Variants in DMXL1 observed in about 807,000 individuals in gnomAD.
DMXL1 encodes Dmx like 1.
Under a neutral mutation model 319.2 loss-of-function variants are expected in DMXL1, and 99 were observed. The observed-to-expected ratio is 0.31, with a 90% confidence interval of 0.26 to 0.37. The LOEUF (loss-of-function observed/expected upper bound fraction) is 0.37. Among genes scored for constraint, DMXL1 ranks in the 10% least tolerant of loss-of-function variants. The pLI, the probability that DMXL1 is intolerant of heterozygous loss-of-function variation, is 1.00. For missense variants in DMXL1, 3,745 were observed against 3,595.6 expected (o/e 1.04, Z -1.06); for synonymous variants, 1,385 against 1,235.2 (o/e 1.12, Z -2.54).
At chr5:119,152,138 A>G (rs1462974796) in intron 19 of DMXL1, 102 bp downstream of exon 19, 3 of 675,016 alleles carry the variant, frequency 4.4e-6, no homozygotes, top group Non-Finnish European at 7.5e-6. Context: ...TAATGATGAC[A>G]TATTTAACAT....
intron 39 of DMXL1, among the ~76,000 whole-genome samples, chr5:119,235,280 A>C (rs986594627): frequency 2.0e-5 from 3 of 152,204 alleles, no homozygotes; most frequent in Admixed American, 2.0e-4. Flanking sequence ...AATTCCTCAG[A>C]GATTCAAGAA....
intron 5 of DMXL1, among the ~76,000 whole-genome samples, chr5:119,111,712 A>C (rs1297538102): frequency 6.6e-6 from 1 of 152,250 alleles, no homozygotes; most frequent in Non-Finnish European, 1.5e-5. Context: ...AGTTTTGGGC[A>C]AATGCGTTTT....
chr5:119,122,268 C>A (rs1484256165), intron 9 of DMXL1, among the ~76,000 whole-genome samples: 5 of 143,940 alleles, frequency 3.5e-5, no homozygotes, highest in Non-Finnish European at 6.2e-5. Context: ...GGGGGGCCGA[C>A]CACCCCACCT....
chr5:119,229,399 C>T (rs935172550), intron 38 of DMXL1, among the ~76,000 whole-genome samples: 1 of 152,062 alleles, frequency 6.6e-6, no homozygotes, highest in Admixed American at 6.6e-5. Context: ...AACTTTGCAC[C>T]AATGTACTTC....
chr5:119,073,073 A>C (rs1443460445), intron 1 of DMXL1, among the ~76,000 whole-genome samples: 1 of 152,162 alleles, frequency 6.6e-6, no homozygotes, highest in Non-Finnish European at 1.5e-5. Flanking sequence ...TGCTTTTTAA[A>C]AACTTTTGAA....
At chr5:119,199,357 A>G (rs1377392538) in intron 32 of DMXL1, among the ~76,000 whole-genome samples, 1 of 152,194 alleles carries the variant, frequency 6.6e-6, no homozygotes, top group Non-Finnish European at 1.5e-5. Flanking sequence ...TTTGCTAAGG[A>G]TAGTAACCTC....
chr5:119,113,651 A>G (rs1015250876), intron 5 of DMXL1, among the ~76,000 whole-genome samples: 1 of 152,160 alleles, frequency 6.6e-6, no homozygotes, highest in Non-Finnish European at 1.5e-5. Flanking sequence ...TTGGAAGTTT[A>G]TGTATTAAAA....
At chr5:119,222,972 A>G (rs1225120504) in intron 37 of DMXL1, among the ~76,000 whole-genome samples, 1 of 141,548 alleles carries the variant, frequency 7.1e-6, no homozygotes, top group Admixed American at 7.0e-5. Flanking sequence ...GCCCCTACCC[A>G]CTCTACCCCC....
At chr5:119,193,797 G>C (rs1442048269) in intron 29 of DMXL1, 31 bp from the exon 30 acceptor site, 2 of 1,598,990 alleles carry the variant, frequency 1.3e-6, no homozygotes, top group East Asian at 2.2e-5. Context: ...TAGATATGTG[G>C]CTGCTAAATT....
intron 4 of DMXL1, among the ~76,000 whole-genome samples, chr5:119,109,750 T>C (rs1759159828): frequency 6.6e-6 from 1 of 152,226 alleles, no homozygotes; most frequent in African/African-American, 2.4e-5. Flanking sequence ...AGGTACACAT[T>C]AATGTCTCCT....
At chr5:119,120,496 C>A (rs1184324858) in intron 8 of DMXL1, among the ~76,000 whole-genome samples, 1 of 152,200 alleles carries the variant, frequency 6.6e-6, no homozygotes, top group Non-Finnish European at 1.5e-5. Flanking sequence ...CTGCCTGCCT[C>A]ATGGCATCAA....
chr5:119,244,434 G>A lies in DMXL1; in HGVS notation c.8780G>A (p.Arg2927Lys). The change falls in exon 43 of 44, where the codon AGA becomes AAA. Residue 2927 changes from arginine (R) to lysine (K), a missense_variant. Arg to Lys is a conservative substitution (Grantham distance 26). This residue lies in a region of DMXL1 where 262 missense variants were observed against 320.5 expected (regional missense o/e 0.82). Coordinates refer to ENST00000539542, the MANE Select transcript of DMXL1 (RefSeq NM_001290321.3). ...PKHQLLISGG[R>K]KGFTYVFDLC... ...CATCAGCTACTAATATCAGGTGGCA[G>A]AAAAGGTTTTACATATGTATTTGAC... is the stretch of plus-strand genomic sequence containing the variant. 1 of 1,614,110 alleles carries A rather than the reference G, an allele frequency of 6.2e-7. No individual in the cohort carries two copies.
chr5:119,105,120 C>A, intron 3 of DMXL1, 60 bp from the exon 4 acceptor site: 1 of 1,066,890 alleles, frequency 9.4e-7, no homozygotes, highest in Non-Finnish European at 1.5e-6. Flanking sequence ...CATAAACGTA[C>A]ACATTTGACA....
chr5:119,224,676 T>C (rs1785216373), intron 37 of DMXL1, 33 bp from the exon 38 acceptor site: 2 of 806,522 alleles, frequency 2.5e-6, no homozygotes, highest in African/African-American at 1.8e-5. Context: ...TCCTTTTTAT[T>C]ATGCCTATAA....
chr5:119,244,962 T>C (rs1789480223), intron 43 of DMXL1, among the ~76,000 whole-genome samples: 1 of 152,254 alleles, frequency 6.6e-6, no homozygotes, highest in Non-Finnish European at 1.5e-5. Context: ...TATTATTATC[T>C]AGTCCCTCAG....
rs541642400 is a variant in DMXL1 at position 119,153,216 on chromosome 5, A to G, written c.4702+1180A>G. Among the ~76,000 whole-genome samples the G allele has an allele frequency of 2.6e-3, 393 of 152,302 alleles. 3 individuals carry two copies. Among genetic ancestry groups the G allele is most frequent in the Non-Finnish European group, 3.5e-3 (240 of 68,026 alleles). On this transcript the variant is annotated intron_variant, in intron 19 of 43. Transcript: ENST00000539542. ...AGTCTTGAACTCCTGACCTCAAGCAATCCACCTGCCTCGGCCTCCCAAAGT... is the reference window on the plus strand; with the variant it reads ...AGTCTTGAACTCCTGACCTCAAGCAGTCCACCTGCCTCGGCCTCCCAAAGT...
intron 4 of DMXL1, among the ~76,000 whole-genome samples, chr5:119,108,234 A>G (rs904866909): frequency 6.6e-6 from 1 of 152,182 alleles, no homozygotes. Context: ...CTAGAAATAC[A>G]CAAATCTATA....
rs148126714 is a variant in DMXL1 at position 119,175,796 on chromosome 5, T to C, written c.6758+459T>C. 5.4e-3 allele frequency among the ~76,000 whole-genome samples: 817 copies of C among 152,234 alleles called. 2 individuals are homozygous for C. Among genetic ancestry groups the C allele is most frequent in the African/African-American group, 0.019 (789 of 41,570 alleles). On this transcript the variant is annotated intron_variant, in intron 26 of 43. Transcript: ENST00000539542. ...GAGAAAAATTTTACCAAATAATTGA[T>C]GTATAGGATATTTCTCTGTATTTCT...
rs1268506570 is a variant in DMXL1 at position 119,175,773 on chromosome 5, G to A, written c.6758+436G>A. 4.6e-5 allele frequency among the ~76,000 whole-genome samples: 7 copies of A among 152,020 alleles called. No homozygotes were observed. In the East Asian group the frequency reaches 1.3e-3, roughly 29 times the overall value. On this transcript the variant is annotated intron_variant, in intron 26 of 43. Transcript: ENST00000539542. ...ATGGGAGGGAGTAACTTGGAATTGA[G>A]AAAAATTTTACCAAATAATTGATGT...
Sources: gnomAD v4.1 joint callset for allele counts (sites outside exome capture counted in the v4.1 genomes callset) on GRCh38, gnomAD v4.1.1 for gene constraint, gnomAD v4.1.1 regional missense constraint, MANE v1.5 for transcripts, NCBI Gene and HGNC (gene_info 2026-07-23, HGNC 2026-07-21) for gene names.